MACROD2: variants seen among roughly 807,000 people sequenced by gnomAD.
The protein encoded by MACROD2 is ADP-ribose glycohydrolase MACROD2.
MACROD2 carries 36 observed loss-of-function variants against 70.4 expected under a neutral mutation model. That is an observed-to-expected ratio of 0.51 (90% CI 0.39 to 0.68). The LOEUF is 0.68. Among genes scored for constraint, MACROD2 ranks in the 30% least tolerant of loss-of-function variants. The pLI, the probability that MACROD2 is intolerant of heterozygous loss-of-function variation, is 0.00. For missense variants in MACROD2, 496 were observed against 538.4 expected (o/e 0.92, Z 0.78); for synonymous variants, 172 against 178.8 (o/e 0.96, Z 0.30).
chr20:15,774,100 A>T (rs572664590), intron 8 of MACROD2, among the ~76,000 whole-genome samples: 1 of 152,066 alleles, frequency 6.6e-6, no homozygotes, highest in Non-Finnish European at 1.5e-5. Context: ...CTTCCCTTGG[A>T]GGTCAAAGGA....
chr20:15,250,363 G>A (rs1036896204), intron 6 of MACROD2, among the ~76,000 whole-genome samples: 2 of 152,108 alleles, frequency 1.3e-5, no homozygotes, highest in Admixed American at 1.3e-4. Flanking sequence ...TTGTCTATCT[G>A]CCACATTGTT....
chr20:14,837,905 C>A (rs1453484897), intron 5 of MACROD2, among the ~76,000 whole-genome samples: 1 of 151,278 alleles, frequency 6.6e-6, no homozygotes, highest in East Asian at 1.9e-4. Context: ...CACATTCCCC[C>A]TGAGGGAAAT....
At chr20:13,997,839 A>T (rs1193730339) in intron 1 of MACROD2, among the ~76,000 whole-genome samples, 1 of 152,084 alleles carries the variant, frequency 6.6e-6, no homozygotes, top group African/African-American at 2.4e-5. Flanking sequence ...TATGTTTGGA[A>T]TATTTAAATA....
intron 3 of MACROD2, among the ~76,000 whole-genome samples, chr20:14,222,818 A>G (rs1475282691): frequency 0.011 from 91 of 8,204 alleles, 1 homozygote; most frequent in Non-Finnish European, 0.017. Context: ...TTTCTGAAAA[A>G]AAAAAAAAAA....
intron 6 of MACROD2, among the ~76,000 whole-genome samples, chr20:15,358,043 C>T (rs922872026): frequency 2.0e-5 from 3 of 151,920 alleles, no homozygotes; most frequent in South Asian, 4.1e-4. Flanking sequence ...CTCCTGACCG[C>T]GTGATCCGCC....
chr20:14,202,864 CAT>C (rs2081490708), intron 3 of MACROD2, among the ~76,000 whole-genome samples: 1 of 152,114 alleles, frequency 6.6e-6, no homozygotes, highest in African/African-American at 2.4e-5. Context: ...GCCTGACCAA[CAT>C]AGTGAAACCC....
chr20:15,748,952 T>C (rs2051227221), intron 8 of MACROD2, among the ~76,000 whole-genome samples: 1 of 152,120 alleles, frequency 6.6e-6, no homozygotes, highest in Non-Finnish European at 1.5e-5. Flanking sequence ...ATTCAAACCT[T>C]GGTTTACTCA....
At chr20:14,056,588 T>C (rs1175857883) in intron 2 of MACROD2, among the ~76,000 whole-genome samples, 5 of 152,082 alleles carry the variant, frequency 3.3e-5, no homozygotes, top group Non-Finnish European at 5.9e-5. Context: ...AATTTCCTCA[T>C]TGATCTAAAA....
intron 3 of MACROD2, among the ~76,000 whole-genome samples, chr20:14,470,598 CT>C (rs994118889): frequency 1.2e-4 from 19 of 152,092 alleles, no homozygotes; most frequent in African/African-American, 3.9e-4. Flanking sequence ...GGGGCTGCTG[CT>C]TTTTTTTCAG....
At chr20:14,829,128 A>ATTTT (rs71190150) in intron 5 of MACROD2, among the ~76,000 whole-genome samples, 4 of 110,362 alleles carry the variant, frequency 3.6e-5, no homozygotes, top group Admixed American at 3.0e-4. Flanking sequence ...TTGCAGAACT[A>ATTTT]TTTTTTTTTT....
chr20:15,848,029 A>G (rs1027713130), intron 8 of MACROD2, among the ~76,000 whole-genome samples: 8 of 152,284 alleles, frequency 5.3e-5, no homozygotes, highest in Middle Eastern at 6.8e-3. Flanking sequence ...AATAGCTATT[A>G]ATTGTTTTCT....
intron 5 of MACROD2, among the ~76,000 whole-genome samples, chr20:14,801,236 G>A (rs16990104): frequency 0.23 from 34,255 of 152,042 alleles, 4,354 homozygotes; most frequent in African/African-American, 0.31. Context: ...CTGATAAGCC[G>A]TTTCCCCTGC....
intron 3 of MACROD2, among the ~76,000 whole-genome samples, chr20:14,200,695 A>T (rs1281443448): frequency 6.6e-6 from 1 of 152,198 alleles, no homozygotes; most frequent in Non-Finnish European, 1.5e-5. Flanking sequence ...TTTCTGCAAT[A>T]ATTTATGTGT....
intron 8 of MACROD2, among the ~76,000 whole-genome samples, chr20:15,785,240 T>C (rs1420993660): frequency 1.3e-5 from 2 of 150,952 alleles, no homozygotes; most frequent in Admixed American, 6.6e-5. Flanking sequence ...CAAGAGCCAC[T>C]AAAAGCAGTT....
At chr20:15,276,293 G>A (rs989967124) in intron 6 of MACROD2, among the ~76,000 whole-genome samples, 6 of 151,788 alleles carry the variant, frequency 4.0e-5, no homozygotes, top group Non-Finnish European at 5.9e-5. Context: ...CCGGCTACTC[G>A]GGAGGCTGAG....
chr20:14,213,015 G>A (rs1339170077), intron 3 of MACROD2, among the ~76,000 whole-genome samples: 3 of 151,836 alleles, frequency 2.0e-5, no homozygotes, highest in Admixed American at 6.6e-5. Context: ...TGAGTGTGGG[G>A]TAGTATTTGT....
chr20:14,197,468 C>T (rs2081441959), intron 3 of MACROD2, among the ~76,000 whole-genome samples: 1 of 152,142 alleles, frequency 6.6e-6, no homozygotes, highest in Admixed American at 6.5e-5. Flanking sequence ...AAGGGTATGA[C>T]AGACATTAAA....
intron 8 of MACROD2, among the ~76,000 whole-genome samples, chr20:15,534,545 C>CT (rs1215458991): frequency 6.6e-6 from 1 of 151,256 alleles, no homozygotes; most frequent in African/African-American, 2.4e-5. Context: ...GTAATTTATG[C>CT]TTTTTTTTTC....
Position 14,120,213 on chromosome 20 carries a change from C to CAAA in MACROD2, c.271+34504_271+34506dup, listed in dbSNP as rs71190112. 6.5e-3 allele frequency among the ~76,000 whole-genome samples: 496 copies of CAAA among 76,200 alleles called. 21 individuals carry two copies. Among genetic ancestry groups the CAAA allele is most frequent in the Middle Eastern group, 0.028 (3 of 106 alleles). 50.0% of individuals were successfully genotyped at this position (76,200 alleles called of 152,430 possible). A position where few individuals can be genotyped will look rare whatever the true frequency, so the allele number is the denominator to read the frequency against. On this transcript the variant is annotated intron_variant, in intron 3 of 17. Transcript: ENST00000684519. ...GGGTGACAAGAGTGAGACTCCGTCT[C>CAAA]AAAAAAAAAAAAAAAAAAAAAGAAG...
Sources: gnomAD v4.1 joint callset for allele counts (sites outside exome capture counted in the v4.1 genomes callset) on GRCh38, gnomAD v4.1.1 for gene constraint, MANE v1.5 for transcripts, NCBI Gene and HGNC (gene_info 2026-07-23, HGNC 2026-07-21) for gene names.